Variants in NINL observed in about 807,000 individuals in gnomAD.
NINL encodes ninein like.
Under a neutral mutation model 160.3 loss-of-function variants are expected in NINL, and 153 were observed. The ratio of observed to expected loss-of-function variants is 0.95; its 90% CI spans 0.84 to 1.09. The LOEUF (loss-of-function observed/expected upper bound fraction) is 1.09. Among genes scored for constraint, NINL ranks in the 50% least tolerant of loss-of-function variants. The pLI is 0.00. For synonymous variants in NINL, 800 were observed against 734.8 expected, an observed-to-expected ratio of 1.09 and a Z score of -1.43; for missense variants, 1,829 against 1,764.0, an observed-to-expected ratio of 1.04 and a Z score of -0.66.
intron 2 of NINL, among the ~76,000 whole-genome samples, chr20:25,518,707 G>A (rs976293881): frequency 2.6e-5 from 4 of 151,856 alleles, no homozygotes; most frequent in Non-Finnish European, 2.9e-5. Context: ...TGACTATTTC[G>A]CTTTCTGCTT....
At chr20:25,565,056 G>A (rs1341667696) in intron 1 of NINL, among the ~76,000 whole-genome samples, 1 of 152,152 alleles carries the variant, frequency 6.6e-6, no homozygotes, top group East Asian at 1.9e-4. Context: ...GGCAGGAAGT[G>A]ACATACTTTC....
chr20:25,517,265 A>G (rs2064177613), intron 3 of NINL, among the ~76,000 whole-genome samples: 1 of 152,104 alleles, frequency 6.6e-6, no homozygotes, highest in Non-Finnish European at 1.5e-5. Flanking sequence ...AAAGGGAAAG[A>G]GCCACCCCCA....
intron 1 of NINL, among the ~76,000 whole-genome samples, chr20:25,537,471 G>A (rs1157601441): frequency 6.6e-6 from 1 of 152,216 alleles, no homozygotes; most frequent in East Asian, 1.9e-4. Flanking sequence ...CAGCGCACCT[G>A]CTGGCTCTGC....
At chr20:25,457,992 C>T (rs1291365401) in intron 22 of NINL, among the ~76,000 whole-genome samples, 2 of 152,206 alleles carry the variant, frequency 1.3e-5, no homozygotes, top group Non-Finnish European at 2.9e-5. Context: ...GCTACTGTCT[C>T]CCATCTCCCA....
At chr20:25,497,815 T>C (rs952307652) in intron 9 of NINL, among the ~76,000 whole-genome samples, 3 of 152,196 alleles carry the variant, frequency 2.0e-5, no homozygotes, top group South Asian at 2.1e-4. Context: ...GGGGACCTCA[T>C]GTCTGTCCCT....
At chr20:25,505,576 A>T (rs1315065973) in intron 5 of NINL, among the ~76,000 whole-genome samples, 1 of 152,210 alleles carries the variant, frequency 6.6e-6, no homozygotes, top group Non-Finnish European at 1.5e-5. Context: ...CCTTAAATAT[A>T]TACAATTTTT....
intron 1 of NINL, among the ~76,000 whole-genome samples, chr20:25,575,446 CAAAAAAAA>C (rs1167252309): frequency 1.3e-3 from 58 of 43,768 alleles, no homozygotes; most frequent in African/African-American, 5.0e-3. Flanking sequence ...GACTCCGTCT[CAAAAAAAA>C]AAAAAAAAAA....
chr20:25,461,765 A>C (rs912319222), intron 20 of NINL, 130 bp from the exon 21 acceptor site: 4 of 632,230 alleles, frequency 6.3e-6, no homozygotes, highest in Non-Finnish European at 1.1e-5. Flanking sequence ...GAACCCACCA[A>C]CCAAGGCCGG....
chr20:25,488,531 C>T (rs928489223), intron 13 of NINL, among the ~76,000 whole-genome samples: 4 of 151,980 alleles, frequency 2.6e-5, no homozygotes, highest in African/African-American at 9.7e-5. Context: ...GCCTCCTTCA[C>T]TCATTCTCTT....
chr20:25,542,912 C>T (rs1445725849), intron 1 of NINL, among the ~76,000 whole-genome samples: 7 of 150,672 alleles, frequency 4.6e-5, no homozygotes, highest in African/African-American at 1.2e-4. Context: ...AGGCACTACT[C>T]GCCTGTAATC....
intron 1 of NINL, among the ~76,000 whole-genome samples, chr20:25,569,203 G>A (rs367790426): frequency 1.3e-4 from 19 of 150,464 alleles, no homozygotes; most frequent in African/African-American, 4.6e-4. Context: ...ACTCCAGCCT[G>A]GGTGACAGAG....
intron 10 of NINL, among the ~76,000 whole-genome samples, chr20:25,493,871 T>G (rs2063691956): frequency 6.6e-6 from 1 of 152,132 alleles, no homozygotes; most frequent in Non-Finnish European, 1.5e-5. Flanking sequence ...CCCCAGCCAC[T>G]GCCTGCACCT....
chr20:25,526,324 A>G, intron 2 of NINL, 84 bp downstream of exon 2: 3 of 1,200,472 alleles, frequency 2.5e-6, no homozygotes, highest in Non-Finnish European at 2.4e-6. Flanking sequence ...TTGAATCCTT[A>G]TTCAGCTGAT....
intron 10 of NINL, among the ~76,000 whole-genome samples, chr20:25,493,390 G>A (rs1176558407): frequency 6.6e-6 from 1 of 152,066 alleles, no homozygotes; most frequent in Non-Finnish European, 1.5e-5. Flanking sequence ...GGTGGATCCC[G>A]ATACTCAGGA....
In NINL at chr20:25,476,134, T is replaced by C; in HGVS notation, c.3157A>G (p.Arg1053Gly). The change falls in exon 17 of 24, where the codon AGA becomes GGA. Residue 1053 changes from arginine (R) to glycine (G), a missense_variant. Arg to Gly is a moderately radical substitution (Grantham distance 125, BLOSUM62 -2). Coordinates refer to ENST00000278886, the MANE Select transcript of NINL (RefSeq NM_025176.6). ...TTGGTTTCCATGTCATCCTTCTCTC[T>C]CTCCAGCGCTATTTTGGTCTCCCCC... is the stretch of plus-strand genomic sequence containing the variant. The part of the protein sequence containing the change: ...EEGETKIALE[R>G]EKDDMETKLL... The C allele has an allele frequency of 3.1e-6, 5 of 1,614,182 alleles. No homozygotes were observed. Among genetic ancestry groups the C allele is most frequent in the Non-Finnish European group, 4.2e-6 (5 of 1,180,038 alleles).
intron 18 of NINL, among the ~76,000 whole-genome samples, chr20:25,469,537 TCTTGTTCACTGA>T (rs2063039615): frequency 7.4e-6 from 1 of 135,826 alleles, no homozygotes; most frequent in Admixed American, 7.8e-5. Context: ...CTCCCCCAGC[TCTTGTTCACTGA>T]AACTGATAAA....
rs1458024095 is a variant in NINL at position 25,453,222 on chromosome 20, C to T, written c.*229G>A. 7.4e-6 allele frequency: 3 copies of T among 404,342 alleles called. No individual in the cohort carries two copies. Among genetic ancestry groups the T allele is most frequent in the Non-Finnish European group, 1.3e-5 (3 of 229,984 alleles). The allele number at this position is 404,342 out of a possible 1,614,324, so 25.0% of individuals were successfully genotyped here. A position where few individuals can be genotyped will look rare whatever the true frequency, so the allele number is the denominator to read the frequency against. On this transcript the variant is annotated 3_prime_UTR_variant, in exon 24 of 24. Transcript: ENST00000278886. ...CTGGGAATTTTGCCAAGGGAAATTA[C>T]TCAGGACCGCTAATAAAAACGCCGG...
rs758603952 is a variant in NINL, at chr20:25,489,258, C to A, written c.1663G>T (p.Glu555Ter). 1 of 1,614,152 alleles carries A rather than the reference C, an allele frequency of 6.2e-7. No individual in the cohort carries two copies. Among genetic ancestry groups the A allele is most frequent in the South Asian group, 1.1e-5 (1 of 91,080 alleles). Residue 555 changes from glutamate (E) to a stop codon, truncating the protein, a stop_gained, in exon 13 of 24, where the codon GAG (glutamate) becomes TAG (stop). Coordinates refer to ENST00000278886, the MANE Select transcript of NINL (RefSeq NM_025176.6). LOFTEE classifies it high-confidence loss of function. ...ERFAAVLKEYELKCRDLQDRN... is the reference protein window; with the variant it reads ...ERFAAVLKEY ...CAGGCACGTACCCGGCACTTGAGCT[C>A]GTATTCCTTCAGGACTGCTGCGAAC...
At chr20:25,484,667 C>G (rs1358320014) in intron 13 of NINL, among the ~76,000 whole-genome samples, 2 of 152,192 alleles carry the variant, frequency 1.3e-5, no homozygotes, top group Non-Finnish European at 2.9e-5. Context: ...TCTGGACGGA[C>G]AGGATTTCTC....
Sources: gnomAD v4.1 joint callset for allele counts (sites outside exome capture counted in the v4.1 genomes callset) on GRCh38, gnomAD v4.1.1 for gene constraint, MANE v1.5 for transcripts, NCBI Gene and HGNC (gene_info 2026-07-23, HGNC 2026-07-21) for gene names.